RBPJ: variants seen among roughly 807,000 people sequenced by gnomAD.
The protein encoded by RBPJ is recombining binding protein suppressor of hairless.
RBPJ carries 9 observed loss-of-function variants against 67.8 expected under a neutral mutation model. That is an observed-to-expected ratio of 0.13 (90% CI 0.08 to 0.23). The LOEUF (loss-of-function observed/expected upper bound fraction) is 0.23. Among genes scored for constraint, RBPJ ranks in the 10% least tolerant of loss-of-function variants. The probability of loss-of-function intolerance (pLI) is 1.00; values close to 1 mark genes in which losing one functional copy is unlikely to be tolerated. For missense variants in RBPJ, 305 were observed against 595.6 expected (o/e 0.51, Z 5.08); for synonymous variants, 198 against 203.3 (o/e 0.97, Z 0.22).
At chr4:26,171,395 T>G (rs373017018) in intron 1 of RBPJ, among the ~76,000 whole-genome samples, 2 of 152,238 alleles carry the variant, frequency 1.3e-5, no homozygotes, top group East Asian at 3.9e-4. Flanking sequence ...TCAGAAGTCC[T>G]GCACAATAAA....
chr4:26,219,617 A>G (rs1272200337), intron 1 of RBPJ, among the ~76,000 whole-genome samples: 2 of 152,256 alleles, frequency 1.3e-5, no homozygotes, highest in African/African-American at 4.8e-5. Flanking sequence ...AAAGGCTGTC[A>G]TAAGCATTTC....
intron 7 of RBPJ, among the ~76,000 whole-genome samples, chr4:26,425,425 T>G (rs1279353764): frequency 6.6e-6 from 1 of 151,782 alleles, no homozygotes; most frequent in Non-Finnish European, 1.5e-5. Context: ...CCTGGCAACA[T>G]GGTCAGACCG....
the RBPJ span, among the ~76,000 whole-genome samples, chr4:26,132,775 TG>T: frequency 3.3e-5 from 5 of 152,184 alleles, no homozygotes; most frequent in African/African-American, 1.2e-4. Context: ...CTTCTTTCTC[TG>T]GGGCCTCTTT....
chr4:26,283,576 A>G (rs1399725044), intron 1 of RBPJ, among the ~76,000 whole-genome samples: 1 of 152,054 alleles, frequency 6.6e-6, no homozygotes, highest in East Asian at 1.9e-4. Context: ...ATAAAGATAT[A>G]GGATTTTCTA....
At chr4:26,389,018 T>A (rs757971517) in intron 2 of RBPJ, among the ~76,000 whole-genome samples, 20 of 151,824 alleles carry the variant, frequency 1.3e-4, no homozygotes, top group Non-Finnish European at 2.5e-4. Flanking sequence ...GCTTAGGAGT[T>A]CAAGATCAGC....
intron 1 of RBPJ, among the ~76,000 whole-genome samples, chr4:26,273,005 T>C (rs1230344483): frequency 6.6e-6 from 1 of 152,194 alleles, no homozygotes; most frequent in Admixed American, 6.5e-5. Flanking sequence ...TGTATTAAGT[T>C]TGAGATTTTC....
the RBPJ span, among the ~76,000 whole-genome samples, chr4:26,109,981 T>C: frequency 2.3e-4 from 35 of 152,094 alleles, no homozygotes; most frequent in African/African-American, 8.0e-4. Context: ...GCTTTCTCCG[T>C]CATTCTTAGA....
the RBPJ span, among the ~76,000 whole-genome samples, chr4:26,106,082 A>T: frequency 9.9e-5 from 15 of 152,244 alleles, no homozygotes; most frequent in Non-Finnish European, 1.5e-5. Flanking sequence ...CATTCCAAAG[A>T]GGTGGGCAAT....
intron 1 of RBPJ, among the ~76,000 whole-genome samples, chr4:26,266,565 G>A (rs184381296): frequency 6.6e-6 from 1 of 152,236 alleles, no homozygotes; most frequent in African/African-American, 2.4e-5. Flanking sequence ...CTGGGTATAG[G>A]GAGGGCACTT....
Position 26,299,931 on chromosome 4 carries a change from C to T in RBPJ, c.-166-62515C>T, listed in dbSNP as rs1577403667. ...GTCTCCTCACCTCAGGTGATCCACCCGCCTCGGCCTCCCAAAGTGTTGGGA... is the reference window on the plus strand; with the variant it reads ...GTCTCCTCACCTCAGGTGATCCACCTGCCTCGGCCTCCCAAAGTGTTGGGA... On this transcript the variant is annotated intron_variant, in intron 1 of 4. Transcript: ENST00000512351. Among the ~76,000 whole-genome samples the T allele has an allele frequency of 2.6e-5, 4 of 152,096 alleles. No homozygotes were observed. The East Asian group carries it at 5.8e-4, about 22-fold the overall frequency.
At chr4:26,260,387 C>T (rs943229825) in intron 1 of RBPJ, among the ~76,000 whole-genome samples, 1 of 152,104 alleles carries the variant, frequency 6.6e-6, no homozygotes, top group Non-Finnish European at 1.5e-5. Flanking sequence ...TAGATTTTGG[C>T]TAGAGTTCCA....
upstream of RBPJ, among the ~76,000 whole-genome samples, chr4:26,318,639 GTTTA>G (rs34245556): frequency 2.6e-5 from 4 of 152,008 alleles, no homozygotes; most frequent in Non-Finnish European, 4.4e-5. Flanking sequence ...GCGCAGAGCT[GTTTA>G]TTTATTTATT....
chr4:26,241,843 A>G (rs146763681), intron 1 of RBPJ, among the ~76,000 whole-genome samples: 56 of 152,126 alleles, frequency 3.7e-4, no homozygotes, highest in African/African-American at 1.3e-3. Flanking sequence ...ATGATCATTA[A>G]ACTCCTCTTA....
intron 1 of RBPJ, among the ~76,000 whole-genome samples, chr4:26,270,630 C>T (rs1037237977): frequency 1.2e-4 from 19 of 152,042 alleles, no homozygotes; most frequent in African/African-American, 4.1e-4. Flanking sequence ...GGCACTAGAG[C>T]TTGAAAACCA....
chr4:26,292,891 T>A lies in RBPJ; in HGVS notation c.-166-69555T>A, dbSNP rs376403137. 6.0e-5 allele frequency among the ~76,000 whole-genome samples: 9 copies of A among 150,840 alleles called. 3 individuals carry two copies. In the East Asian group the frequency reaches 7.9e-4, roughly 13 times the overall value. On this transcript the variant is annotated intron_variant, in intron 1 of 4. Transcript: ENST00000512351. ...AGTGGACACTTAGGTTGTTTCCATG[T>A]CTTGGCTATTGTGAATAATGCTCCA...
chr4:26,359,435 A>G (rs1446592353), intron 1 of RBPJ, among the ~76,000 whole-genome samples: 1 of 63,006 alleles, frequency 1.6e-5, no homozygotes. Context: ...TTTTTTTTTA[A>G]CATTTTGTTG....
At chr4:26,199,932 G>A (rs376810843) in intron 1 of RBPJ, among the ~76,000 whole-genome samples, 26 of 152,180 alleles carry the variant, frequency 1.7e-4, no homozygotes, top group Admixed American at 1.5e-3. Flanking sequence ...GCTATGGCTC[G>A]TTTCTTCTGT....
intron 1 of RBPJ, among the ~76,000 whole-genome samples, chr4:26,270,373 G>GAAAGAAAGAA (rs1560237638): frequency 1.9e-4 from 7 of 37,830 alleles, no homozygotes; most frequent in Non-Finnish European, 4.2e-4. Flanking sequence ...AAGAAAGAAA[G>GAAAGAAAGAA]AAAGAAAGAA....
At chr4:26,215,818 C>T (rs1440063716) in intron 1 of RBPJ, among the ~76,000 whole-genome samples, 1 of 151,554 alleles carries the variant, frequency 6.6e-6, no homozygotes, top group Non-Finnish European at 1.5e-5. Context: ...CCGCATCCCT[C>T]TCACCTCCTT....
Sources: gnomAD v4.1 joint callset for allele counts (sites outside exome capture counted in the v4.1 genomes callset) on GRCh38, gnomAD v4.1.1 for gene constraint, MANE v1.5 for transcripts, NCBI Gene and HGNC (gene_info 2026-07-23, HGNC 2026-07-21) for gene names.